The following RBMS3 variants were observed in gnomAD, a reference collection of about 807,000 sequenced individuals.
RBMS3 encodes the protein RNA-binding motif, single-stranded-interacting protein 3.
RBMS3 carries 27 observed loss-of-function variants against 66.8 expected under a neutral mutation model. That is an observed-to-expected ratio of 0.40 (90% CI 0.30 to 0.56). The LOEUF (loss-of-function observed/expected upper bound fraction) is 0.56. RBMS3 is among the 20% of genes least tolerant of loss of function. The pLI, the probability that RBMS3 is intolerant of heterozygous loss-of-function variation, is 0.40. For synonymous variants in RBMS3, 188 were observed against 183.0 expected (o/e 1.03, Z -0.22); for missense variants, 513 against 549.5 (o/e 0.93, Z 0.66).
chr3:29,956,240 C>A (rs1467163835), intron 12 of RBMS3, among the ~76,000 whole-genome samples: 1 of 152,076 alleles, frequency 6.6e-6, no homozygotes, highest in African/African-American at 2.4e-5. Context: ...TGCTCATGCT[C>A]ACTTTCCACC....
At chr3:29,539,032 A>G (rs2045670017) in intron 3 of RBMS3, among the ~76,000 whole-genome samples, 1 of 152,184 alleles carries the variant, frequency 6.6e-6, no homozygotes, top group Non-Finnish European at 1.5e-5. Flanking sequence ...AACTTATATA[A>G]TGGAGGAATA....
intron 1 of RBMS3, among the ~76,000 whole-genome samples, chr3:29,355,630 G>A (rs773609420): frequency 4.0e-5 from 6 of 151,466 alleles, no homozygotes; most frequent in South Asian, 4.2e-4. Context: ...ATTATATCTC[G>A]GAAAGAAATG....
At chr3:29,372,388 A>T (rs1284981771) in intron 1 of RBMS3, among the ~76,000 whole-genome samples, 1 of 152,188 alleles carries the variant, frequency 6.6e-6, no homozygotes, top group East Asian at 1.9e-4. Context: ...AAAGAACTTT[A>T]ATAATTCCGG....
intron 7 of RBMS3, among the ~76,000 whole-genome samples, chr3:29,873,607 G>A (rs577421067): frequency 6.6e-6 from 1 of 152,210 alleles, no homozygotes; most frequent in African/African-American, 2.4e-5. Flanking sequence ...GCTCTGGCTA[G>A]GACTTCCAAT....
At chr3:29,891,001 G>C (rs1313221897) in intron 8 of RBMS3, among the ~76,000 whole-genome samples, 1 of 151,608 alleles carries the variant, frequency 6.6e-6, no homozygotes, top group Admixed American at 6.6e-5. Flanking sequence ...CTCTTGGAGA[G>C]GTGCCACATC....
At chr3:29,992,885 T>C (rs933225140) in intron 14 of RBMS3, among the ~76,000 whole-genome samples, 1 of 152,150 alleles carries the variant, frequency 6.6e-6, no homozygotes, top group Non-Finnish European at 1.5e-5. Flanking sequence ...AGATTCTTGC[T>C]AAAACTAGGC....
At chr3:29,979,326 A>G (rs563919580) in intron 12 of RBMS3, among the ~76,000 whole-genome samples, 53 of 152,342 alleles carry the variant, frequency 3.5e-4, no homozygotes, top group Non-Finnish European at 5.0e-4. Flanking sequence ...AGTTTTGGTC[A>G]TGTTGACAAC....
intron 1 of RBMS3, among the ~76,000 whole-genome samples, chr3:29,388,107 ACACATG>A (rs2039095688): frequency 6.9e-6 from 1 of 145,686 alleles, no homozygotes; most frequent in African/African-American, 2.6e-5. Flanking sequence ...ACACACACAC[ACACATG>A]TGTGTGTATG....
intron 4 of RBMS3, among the ~76,000 whole-genome samples, chr3:29,692,777 A>C (rs1444936523): frequency 6.6e-6 from 1 of 152,244 alleles, no homozygotes; most frequent in Non-Finnish European, 1.5e-5. Flanking sequence ...AAGTTAAGAT[A>C]GGTCTTTTAC....
At chr3:29,602,146 A>G (rs2048166827) in intron 4 of RBMS3, among the ~76,000 whole-genome samples, 1 of 152,004 alleles carries the variant, frequency 6.6e-6, no homozygotes, top group Non-Finnish European at 1.5e-5. Context: ...TTGCCAGCAT[A>G]ATTGCACGGT....
At chr3:29,444,580 T>C (rs2041747256) in intron 2 of RBMS3, among the ~76,000 whole-genome samples, 1 of 151,992 alleles carries the variant, frequency 6.6e-6, no homozygotes, top group Non-Finnish European at 1.5e-5. Context: ...GAAGAAAGTA[T>C]TTAAAGAAAA....
intron 3 of RBMS3, among the ~76,000 whole-genome samples, chr3:29,491,976 G>A (rs941996172): frequency 2.7e-5 from 4 of 148,316 alleles, no homozygotes; most frequent in African/African-American, 1.0e-4. Flanking sequence ...CTGGGTGACA[G>A]AGCAAGGCTC....
intron 3 of RBMS3, among the ~76,000 whole-genome samples, chr3:29,584,497 G>A (rs941779820): frequency 2.6e-5 from 4 of 151,866 alleles, no homozygotes; most frequent in Non-Finnish European, 5.9e-5. Context: ...ATCCAGCTGC[G>A]ATTTGACATT....
chr3:29,416,085 T>C (rs2040466874), intron 1 of RBMS3, among the ~76,000 whole-genome samples: 2 of 152,176 alleles, frequency 1.3e-5, no homozygotes, highest in African/African-American at 4.8e-5. Flanking sequence ...CTTTCAACTT[T>C]CTTGGTGCTC....
At chr3:29,408,237 A>G (rs966324650) in intron 1 of RBMS3, among the ~76,000 whole-genome samples, 4 of 143,624 alleles carry the variant, frequency 2.8e-5, no homozygotes, top group African/African-American at 1.0e-4. Context: ...GCGCCACTGC[A>G]CTCCAGCCTG....
At chr3:29,723,880 C>T (rs938281306) in intron 4 of RBMS3, among the ~76,000 whole-genome samples, 2 of 152,068 alleles carry the variant, frequency 1.3e-5, no homozygotes, top group African/African-American at 2.4e-5. Context: ...CTTAGCAATT[C>T]GGTATCTTCT....
chr3:29,479,486 G>A (rs1218263787), intron 2 of RBMS3, among the ~76,000 whole-genome samples: 1 of 151,846 alleles, frequency 6.6e-6, no homozygotes, highest in Non-Finnish European at 1.5e-5. Flanking sequence ...AGGTCTCATT[G>A]AAGAGAAAAT....
intron 1 of RBMS3, among the ~76,000 whole-genome samples, chr3:29,307,151 C>G (rs1048344623): frequency 2.6e-5 from 4 of 151,960 alleles, no homozygotes; most frequent in South Asian, 4.2e-4. Context: ...TTAATTCTGT[C>G]CTCTCAATCA....
intron 5 of RBMS3, among the ~76,000 whole-genome samples, chr3:29,748,827 G>T (rs1402527008): frequency 6.6e-6 from 1 of 152,178 alleles, no homozygotes; most frequent in Non-Finnish European, 1.5e-5. Flanking sequence ...CATAAGGAAG[G>T]TTCATTCCCA....
Sources: allele counts gnomAD v4.1 joint callset (sites outside exome capture counted in the v4.1 genomes callset), GRCh38; gene constraint gnomAD v4.1.1; transcripts MANE v1.5; gene names NCBI Gene and HGNC (gene_info 2026-07-23, HGNC 2026-07-21).